Variants in AP3B1 observed in about 807,000 individuals in gnomAD.
The protein encoded by AP3B1 is AP-3 complex subunit beta-1.
Under a neutral mutation model 132.5 loss-of-function variants are expected in AP3B1, and 61 were observed. That is an observed-to-expected ratio of 0.46 (90% CI 0.37 to 0.57). AP3B1 has a LOEUF of 0.57. AP3B1 is among the 20% of genes least tolerant of loss of function. The probability of loss-of-function intolerance (pLI) is 0.00; values close to 1 mark genes in which losing one functional copy is unlikely to be tolerated. For synonymous variants in AP3B1, 388 were observed against 438.3 expected (o/e 0.89, Z 1.43); for missense variants, 1,120 against 1,289.4 (o/e 0.87, Z 2.01).
chr5:78,114,610 A>G (rs1751742095), intron 18 of AP3B1, among the ~76,000 whole-genome samples: 1 of 152,204 alleles, frequency 6.6e-6, no homozygotes, highest in African/African-American at 2.4e-5. Flanking sequence ...TTTTAAGTGA[A>G]GCATAATTTT....
chr5:78,231,348 A>G (rs966205497), intron 3 of AP3B1, among the ~76,000 whole-genome samples: 1 of 151,864 alleles, frequency 6.6e-6, no homozygotes, highest in African/African-American at 2.4e-5. Flanking sequence ...TAACTTTTGT[A>G]TTCTTAGTAG....
At chr5:78,229,124 G>T (rs909109945) in intron 3 of AP3B1, among the ~76,000 whole-genome samples, 1 of 151,962 alleles carries the variant, frequency 6.6e-6, no homozygotes, top group Non-Finnish European at 1.5e-5. Flanking sequence ...TAGAGACGGG[G>T]TCTTCCTATG....
chr5:78,188,032 G>A (rs115462463), intron 7 of AP3B1, among the ~76,000 whole-genome samples: 3,554 of 152,304 alleles, frequency 0.023, 150 homozygotes, highest in African/African-American at 0.078. Flanking sequence ...CTAGCCATAT[G>A]TGAAAAACTG....
chr5:78,127,479 T>C (rs1455466513), intron 17 of AP3B1, among the ~76,000 whole-genome samples: 1 of 152,066 alleles, frequency 6.6e-6, no homozygotes, highest in East Asian at 1.9e-4. Flanking sequence ...AGAAAAAGAG[T>C]ATTTATATAG....
intron 11 of AP3B1, among the ~76,000 whole-genome samples, chr5:78,169,068 C>G (rs1256358756): frequency 6.6e-6 from 1 of 152,100 alleles, no homozygotes; most frequent in Admixed American, 6.6e-5. Context: ...ATCTCCTCTA[C>G]TATATGGTAC....
intron 1 of AP3B1, among the ~76,000 whole-genome samples, chr5:78,278,423 C>T (rs920273916): frequency 1.5e-5 from 2 of 135,826 alleles, no homozygotes; most frequent in African/African-American, 5.1e-5. Flanking sequence ...AACGGTGAAA[C>T]CCCGTCTCTA....
At chr5:78,145,850 C>T (rs1753368134) in intron 14 of AP3B1, among the ~76,000 whole-genome samples, 1 of 152,130 alleles carries the variant, frequency 6.6e-6, no homozygotes. Context: ...GGGAAGAGGT[C>T]TTGCTATCAC....
rs1746243245 is a variant in AP3B1 at position 78,002,916 on chromosome 5, G to A, written c.3271C>T (p.Leu1091=). Residue 1091 remains leucine, a synonymous_variant, in exon 27 of 27, where the codon CTG becomes TTG. Transcript: ENST00000255194. The stretch of plus-strand genomic sequence containing the variant: ...ATGTAAGCAGGTTACCCCTGAGACA[G>A]GACAGGCTTCAGTTCCCGCAGCAGA... ...SVLLRELKPV[L]SQG 5.6e-6 allele frequency: 9 copies of A among 1,614,178 alleles called. No homozygotes were observed. The highest frequency in any genetic ancestry group is 7.6e-6 in the Non-Finnish European group (9 of 1,180,040).
chr5:78,151,388 G>T (rs1753642702), intron 14 of AP3B1, among the ~76,000 whole-genome samples: 1 of 152,146 alleles, frequency 6.6e-6, no homozygotes, highest in South Asian at 2.1e-4. Context: ...CTTGAGGTAG[G>T]ACTTCCAGTA....
intron 7 of AP3B1, among the ~76,000 whole-genome samples, chr5:78,184,649 T>C (rs1254706349): frequency 6.8e-6 from 1 of 147,688 alleles, no homozygotes; most frequent in Non-Finnish European, 1.5e-5. Flanking sequence ...GATTGGCCAC[T>C]GCACTCCAGC....
intron 1 of AP3B1, among the ~76,000 whole-genome samples, chr5:78,276,869 TA>T (rs150537145): frequency 1.9e-3 from 228 of 123,134 alleles, no homozygotes; most frequent in Admixed American, 2.1e-3. Flanking sequence ...ACCCTGTCCC[TA>T]AAAAAAAAAA....
intron 9 of AP3B1, 29 bp downstream of exon 9, chr5:78,177,309 AG>A (rs1234434753): frequency 3.4e-6 from 5 of 1,477,762 alleles, no homozygotes; most frequent in Non-Finnish European, 4.7e-6. Flanking sequence ...GGAATACAAA[AG>A]AAAAAATATA....
rs1012781699 is a variant in AP3B1, at chr5:78,095,424, C to A, written c.2470+5529G>T. Among the ~76,000 whole-genome samples the A allele has an allele frequency of 2.6e-5, 4 of 152,260 alleles. 1 individual carries two copies. The highest frequency in any genetic ancestry group is 2.0e-4 in the Admixed American group (3 of 15,300). On this transcript the variant is annotated intron_variant, in intron 21 of 26. Coordinates refer to ENST00000255194, the MANE Select transcript of AP3B1 (RefSeq NM_003664.5). ...CCACTGGAGAGTAACATTTTAGTATCTGAGCAACAAACTGCATGCCATGGG... is the reference window on the plus strand; with the variant it reads ...CCACTGGAGAGTAACATTTTAGTATATGAGCAACAAACTGCATGCCATGGG...
rs1018716185 is a variant in AP3B1 at position 78,294,696 on chromosome 5, T to G, written c.-117A>C. ...GTACGGAGGAGCGCGCGCAGGCGCTTCCGGACTCGTCACGGCTCCCTGAGC... is the reference window on the plus strand; with the variant it reads ...GTACGGAGGAGCGCGCGCAGGCGCTGCCGGACTCGTCACGGCTCCCTGAGC... On this transcript the variant is annotated 5_prime_UTR_variant, in exon 1 of 27. Coordinates refer to ENST00000255194, the MANE Select transcript of AP3B1 (RefSeq NM_003664.5). 5.3e-6 allele frequency: 8 copies of G among 1,523,204 alleles called. No individual in the cohort carries two copies. In the African/African-American group the frequency reaches 6.8e-5, roughly 13 times the overall value. 94.4% of individuals were successfully genotyped at this position (1,523,204 alleles called of 1,614,324 possible). A position where few individuals can be genotyped will look rare whatever the true frequency, so the allele number is the denominator to read the frequency against.
intron 2 of AP3B1, among the ~76,000 whole-genome samples, chr5:78,260,642 T>A (rs375801998): frequency 3.8e-4 from 57 of 148,842 alleles, no homozygotes; most frequent in African/African-American, 1.4e-3. Flanking sequence ...AATGTAAGTT[T>A]AAAAAAAAAA....
chr5:78,154,060 T>G (rs1179873962), intron 14 of AP3B1, among the ~76,000 whole-genome samples: 1 of 152,204 alleles, frequency 6.6e-6, no homozygotes, highest in Non-Finnish European at 1.5e-5. Context: ...TTTGAATGAT[T>G]TCTTCCTGCT....
At chr5:78,123,814 GA>G (rs1245499445) in intron 17 of AP3B1, among the ~76,000 whole-genome samples, 2 of 151,964 alleles carry the variant, frequency 1.3e-5, no homozygotes, top group African/African-American at 4.8e-5. Flanking sequence ...TCTAGAACTA[GA>G]AATACCATTT....
chr5:78,133,870 C>T (rs1752786672), intron 15 of AP3B1, among the ~76,000 whole-genome samples: 1 of 152,064 alleles, frequency 6.6e-6, no homozygotes, highest in South Asian at 2.1e-4. Flanking sequence ...CTAATTATAT[C>T]AATTACATTT....
chr5:78,002,511 CT>C lies in AP3B1; in HGVS notation c.*390del. 1 of 476,876 alleles carries C rather than the reference CT, an allele frequency of 2.1e-6. No homozygotes were observed. 29.5% of individuals were successfully genotyped at this position (476,876 alleles called of 1,614,324 possible). ...ATACCAAGCTGAGAGGCCATTTAGA[CT>C]ATCTCTTTGCTAATTTTTGCTTACT... On this transcript the variant is annotated 3_prime_UTR_variant, in exon 27 of 27. Coordinates refer to ENST00000255194, the MANE Select transcript of AP3B1 (RefSeq NM_003664.5).
Sources: allele counts gnomAD v4.1 joint callset (sites outside exome capture counted in the v4.1 genomes callset), GRCh38; gene constraint gnomAD v4.1.1; transcripts MANE v1.5; gene names NCBI Gene and HGNC (gene_info 2026-07-23, HGNC 2026-07-21).